ENTREP2: variants seen among roughly 807,000 people sequenced by gnomAD.
The protein encoded by ENTREP2 is protein ENTREP2.
the ENTREP2 span, among the ~76,000 whole-genome samples, chr15:29,470,974 T>A: frequency 6.6e-6 from 1 of 152,222 alleles, no homozygotes; most frequent in African/African-American, 2.4e-5. Context: ...ATACTGGCTA[T>A]GGCTCGAAGT....
the ENTREP2 span, among the ~76,000 whole-genome samples, chr15:29,526,935 G>A: frequency 1.3e-5 from 2 of 152,010 alleles, no homozygotes; most frequent in Non-Finnish European, 2.9e-5. Context: ...GGTCACTAAC[G>A]ATCTCCATGC....
chr15:29,175,827 C>T, the ENTREP2 span, among the ~76,000 whole-genome samples: 6,970 of 152,280 alleles, frequency 0.046, 539 homozygotes, highest in African/African-American at 0.16. Flanking sequence ...AGGCTGGTCT[C>T]GAACCCCTGA....
chr15:29,136,965 A>T, the ENTREP2 span: 23 of 1,297,558 alleles, frequency 1.8e-5, no homozygotes, highest in African/African-American at 3.1e-4. Context: ...GACCACTGCA[A>T]CTCCCACCAC....
chr15:29,583,318 A>G, the ENTREP2 span, among the ~76,000 whole-genome samples: 1 of 152,214 alleles, frequency 6.6e-6, no homozygotes, highest in Admixed American at 6.5e-5. Flanking sequence ...CATAAAAAGG[A>G]ACAAGATCAT....
At chr15:29,309,658 T>G in the ENTREP2 span, among the ~76,000 whole-genome samples, 1 of 151,642 alleles carries the variant, frequency 6.6e-6, no homozygotes, top group Non-Finnish European at 1.5e-5. Context: ...TGTGTGGTGC[T>G]GGCATCTGTA....
At chr15:29,391,927 C>T in the ENTREP2 span, among the ~76,000 whole-genome samples, 1 of 152,194 alleles carries the variant, frequency 6.6e-6, no homozygotes, top group African/African-American at 2.4e-5. Context: ...CGGGTTCACG[C>T]CATTCTCCTG....
At chr15:29,570,358 G>C in the ENTREP2 span, 6 of 418,760 alleles carry the variant, frequency 1.4e-5, no homozygotes, top group East Asian at 2.4e-4. Flanking sequence ...TCGGAGTTTC[G>C]AACTGCGCCC....
chr15:29,225,399 G>T, the ENTREP2 span, among the ~76,000 whole-genome samples: 1 of 152,222 alleles, frequency 6.6e-6, no homozygotes, highest in Non-Finnish European at 1.5e-5. Flanking sequence ...ATGATTAGAT[G>T]ATCCACCCGA....
At chr15:29,462,925 A>C in the ENTREP2 span, among the ~76,000 whole-genome samples, 10 of 152,166 alleles carry the variant, frequency 6.6e-5, no homozygotes, top group African/African-American at 2.4e-4. Context: ...AAAATAATGA[A>C]GGGTAGGAAG....
chr15:29,478,598 C>T, the ENTREP2 span, among the ~76,000 whole-genome samples: 2 of 151,804 alleles, frequency 1.3e-5, no homozygotes, highest in South Asian at 2.1e-4. Context: ...AGTTCTTGCA[C>T]GATCTGGTCA....
At chr15:29,592,309 G>A in the ENTREP2 span, among the ~76,000 whole-genome samples, 3 of 152,190 alleles carry the variant, frequency 2.0e-5, no homozygotes, top group Non-Finnish European at 4.4e-5. Context: ...AAGGAGACAA[G>A]GGGCCTGTCT....
chr15:29,124,063 G>A, the ENTREP2 span, among the ~76,000 whole-genome samples: 15 of 151,626 alleles, frequency 9.9e-5, no homozygotes, highest in African/African-American at 3.6e-4. Flanking sequence ...CAGAACTGGG[G>A]GTGGCAGAGG....
chr15:29,662,464 T>C, the ENTREP2 span, among the ~76,000 whole-genome samples: 1 of 152,176 alleles, frequency 6.6e-6, no homozygotes, highest in South Asian at 2.1e-4. Flanking sequence ...TATCCCAGCA[T>C]AGTGATATTC....
chr15:29,667,867 C>T, the ENTREP2 span, among the ~76,000 whole-genome samples: 178 of 152,222 alleles, frequency 1.2e-3, no homozygotes, highest in Middle Eastern at 0.017. Context: ...GATGTAGAGT[C>T]GCTATTTGCT....
At chr15:29,225,189 G>A in the ENTREP2 span, among the ~76,000 whole-genome samples, 1 of 152,196 alleles carries the variant, frequency 6.6e-6, no homozygotes, top group Non-Finnish European at 1.5e-5. Context: ...CCAGAAAGGG[G>A]CTCCCACAGT....
chr15:29,550,262 ACACT>A, the ENTREP2 span, among the ~76,000 whole-genome samples: 2 of 152,104 alleles, frequency 1.3e-5, no homozygotes, highest in African/African-American at 4.8e-5. Flanking sequence ...TCACTTCCTA[ACACT>A]CACACAAAAA....
At chr15:29,590,021 A>G in the ENTREP2 span, among the ~76,000 whole-genome samples, 2 of 152,172 alleles carry the variant, frequency 1.3e-5, no homozygotes, top group African/African-American at 4.8e-5. Flanking sequence ...GTCATTACCC[A>G]CAGTAATGGG....
the ENTREP2 span, among the ~76,000 whole-genome samples, chr15:29,380,944 C>A: frequency 2.6e-5 from 4 of 150,972 alleles, no homozygotes; most frequent in East Asian, 2.0e-4. Context: ...CTCTACCTCC[C>A]GGGTTCAAGC....
At chr15:29,224,743 C>T in the ENTREP2 span, among the ~76,000 whole-genome samples, 8 of 152,328 alleles carry the variant, frequency 5.3e-5, no homozygotes, top group South Asian at 2.1e-4. Context: ...CCAGTGGATC[C>T]GGCACCGGGC....
Sources: gnomAD v4.1 joint callset for allele counts (sites outside exome capture counted in the v4.1 genomes callset) on GRCh38, gnomAD v4.1.1 for gene constraint, MANE v1.5 for transcripts, NCBI Gene and HGNC (gene_info 2026-07-23, HGNC 2026-07-21) for gene names.